Variants in RIMS2 observed in about 807,000 individuals in gnomAD.
RIMS2 encodes regulating synaptic membrane exocytosis 2.
A neutral mutation model predicts 174.4 loss-of-function variants in RIMS2; 59 were observed. The ratio of observed to expected loss-of-function variants is 0.34; its 90% CI spans 0.27 to 0.42. The LOEUF (loss-of-function observed/expected upper bound fraction) is 0.42. Ranked by LOEUF, RIMS2 falls within the 10% of genes least tolerant of loss-of-function variation. The pLI is 1.00. For synonymous variants in RIMS2, 606 were observed against 572.5 expected (o/e 1.06, Z -0.84); for missense variants, 1,620 against 1,666.3 (o/e 0.97, Z 0.48).
chr8:103,618,794 A>G (rs898957964), intron 1 of RIMS2, among the ~76,000 whole-genome samples: 3 of 152,120 alleles, frequency 2.0e-5, no homozygotes, highest in Admixed American at 6.6e-5. Flanking sequence ...GAATGAACAC[A>G]TGACTCAAGT....
At chr8:103,528,887 T>A (rs527277337) in intron 1 of RIMS2, among the ~76,000 whole-genome samples, 1 of 152,328 alleles carries the variant, frequency 6.6e-6, no homozygotes, top group East Asian at 1.9e-4. Flanking sequence ...TCTGTTTTGG[T>A]TCCATATGAT....
intron 19 of RIMS2, among the ~76,000 whole-genome samples, chr8:104,106,845 A>G (rs1408986796): frequency 6.6e-6 from 1 of 152,204 alleles, no homozygotes; most frequent in African/African-American, 2.4e-5. Context: ...TTTAACATAC[A>G]GAAGTTCGAA....
At chr8:103,817,848 C>T (rs1443262886) in intron 3 of RIMS2, among the ~76,000 whole-genome samples, 1 of 151,940 alleles carries the variant, frequency 6.6e-6, no homozygotes, top group African/African-American at 2.4e-5. Flanking sequence ...ATGATGGTGG[C>T]ATTAGCACAT....
chr8:103,838,636 T>C (rs1564849450), intron 3 of RIMS2, among the ~76,000 whole-genome samples: 1 of 152,212 alleles, frequency 6.6e-6, no homozygotes, highest in African/African-American at 2.4e-5. Context: ...CTATTACTTC[T>C]CAAAAGTTAC....
chr8:103,941,574 C>T (rs1019813544), intron 13 of RIMS2, among the ~76,000 whole-genome samples: 4 of 152,128 alleles, frequency 2.6e-5, no homozygotes, highest in Non-Finnish European at 4.4e-5. Context: ...CTTTATGTGG[C>T]AGTTCTTGTA....
intron 1 of RIMS2, among the ~76,000 whole-genome samples, chr8:103,553,203 C>A (rs558246087): frequency 3.3e-5 from 5 of 152,286 alleles, no homozygotes; most frequent in Admixed American, 6.5e-5. Context: ...ACCCAAATAT[C>A]CATCACTGAT....
At chr8:103,729,867 T>G (rs2097570119) in intron 2 of RIMS2, among the ~76,000 whole-genome samples, 1 of 152,180 alleles carries the variant, frequency 6.6e-6, no homozygotes, top group Non-Finnish European at 1.5e-5. Flanking sequence ...ATTCCTCTTG[T>G]TATTGATTTT....
At chr8:103,793,200 G>A (rs1395812794) in intron 3 of RIMS2, among the ~76,000 whole-genome samples, 2 of 152,104 alleles carry the variant, frequency 1.3e-5, no homozygotes, top group East Asian at 3.9e-4. Context: ...CTGGTAAACT[G>A]AATCCAGCAG....
intron 1 of RIMS2, 106 bp from the exon 2 acceptor site, chr8:103,652,099 T>C: frequency 4.9e-6 from 2 of 407,034 alleles, no homozygotes; most frequent in East Asian, 1.4e-4. Context: ...TAAGTCTTTC[T>C]ATATAAAATT....
intron 1 of RIMS2, among the ~76,000 whole-genome samples, chr8:103,691,377 CT>C (rs2097022779): frequency 6.6e-6 from 1 of 152,030 alleles, no homozygotes; most frequent in Admixed American, 6.6e-5. Flanking sequence ...GTTTCTTGTT[CT>C]TTTTTTCCTC....
chr8:103,683,584 C>A (rs1027438439), intron 1 of RIMS2, among the ~76,000 whole-genome samples: 12 of 152,266 alleles, frequency 7.9e-5, no homozygotes, highest in African/African-American at 2.4e-4. Flanking sequence ...AGAACTGAAA[C>A]AATATTGCTC....
intron 1 of RIMS2, among the ~76,000 whole-genome samples, chr8:103,636,777 C>A (rs1375315908): frequency 1.3e-5 from 1 of 79,220 alleles, no homozygotes; most frequent in South Asian, 5.3e-4. Context: ...TTTTCTATAA[C>A]CCACCCCCGC....
At chr8:103,654,320 A>G (rs150789630) in intron 1 of RIMS2, among the ~76,000 whole-genome samples, 5 of 152,130 alleles carry the variant, frequency 3.3e-5, no homozygotes, top group Non-Finnish European at 4.4e-5. Flanking sequence ...TTTGATTGGC[A>G]TAAACACAAA....
At chr8:103,952,237 C>T (rs1231355464) in intron 14 of RIMS2, among the ~76,000 whole-genome samples, 1 of 152,186 alleles carries the variant, frequency 6.6e-6, no homozygotes, top group Non-Finnish European at 1.5e-5. Flanking sequence ...AGCAGATCTC[C>T]CAGCACAGTG....
chr8:103,933,380 G>T (rs1204431433), intron 12 of RIMS2, among the ~76,000 whole-genome samples: 1 of 151,384 alleles, frequency 6.6e-6, no homozygotes, highest in Non-Finnish European at 1.5e-5. Context: ...CAGCTACTCG[G>T]GAGGCTGAGA....
At chr8:104,212,615 C>G (rs2099110339) in intron 19 of RIMS2, among the ~76,000 whole-genome samples, 1 of 152,174 alleles carries the variant, frequency 6.6e-6, no homozygotes, top group Non-Finnish European at 1.5e-5. Context: ...CACACACACA[C>G]ACACGCATGT....
intron 10 of RIMS2, among the ~76,000 whole-genome samples, chr8:103,923,047 G>T (rs1019187148): frequency 6.6e-6 from 1 of 151,566 alleles, no homozygotes; most frequent in African/African-American, 2.4e-5. Context: ...GAGGCCAGTG[G>T]TCTTTTTTCA....
intron 19 of RIMS2, among the ~76,000 whole-genome samples, chr8:104,142,805 GAC>G (rs1030954341): frequency 1.3e-5 from 2 of 152,078 alleles, no homozygotes; most frequent in Non-Finnish European, 2.9e-5. Flanking sequence ...TTGTGGCATA[GAC>G]ACACACACAG....
intron 20 of RIMS2, among the ~76,000 whole-genome samples, chr8:104,245,992 A>G (rs2099328664): frequency 6.6e-6 from 1 of 152,230 alleles, no homozygotes; most frequent in Non-Finnish European, 1.5e-5. Flanking sequence ...TAGATTCACT[A>G]TTCATTAAGG....
Sources: allele counts gnomAD v4.1 joint callset (sites outside exome capture counted in the v4.1 genomes callset), GRCh38; gene constraint gnomAD v4.1.1; transcripts MANE v1.5; gene names NCBI Gene and HGNC (gene_info 2026-07-23, HGNC 2026-07-21).